Variants in NCAM2 observed in about 807,000 individuals in gnomAD.
The protein encoded by NCAM2 is neural cell adhesion molecule 2.
Under a neutral mutation model 98.1 loss-of-function variants are expected in NCAM2, and 30 were observed. The ratio of observed to expected loss-of-function variants is 0.31; its 90% CI spans 0.23 to 0.41. The LOEUF is 0.41. NCAM2 is among the 10% of genes least tolerant of loss of function. The pLI is 1.00. For missense variants in NCAM2, 867 were observed against 1,005.8 expected (o/e 0.86, Z 1.87); for synonymous variants, 368 against 342.4 (o/e 1.07, Z -0.83).
At chr21:21,431,034 G>A (rs114799671) in intron 11 of NCAM2, among the ~76,000 whole-genome samples, 2,256 of 77,352 alleles carry the variant, frequency 0.029, 78 homozygotes, top group African/African-American at 0.11. Flanking sequence ...GCCAGAAAAC[G>A]AAACTCCGTC....
At chr21:21,041,519 G>A (rs181665807) in intron 1 of NCAM2, among the ~76,000 whole-genome samples, 12 of 152,236 alleles carry the variant, frequency 7.9e-5, no homozygotes, top group East Asian at 5.8e-4. Context: ...CCATTACCTC[G>A]TATAAGTGCT....
At chr21:21,057,343 A>G (rs2065232065) in intron 1 of NCAM2, among the ~76,000 whole-genome samples, 1 of 152,132 alleles carries the variant, frequency 6.6e-6, no homozygotes. Context: ...TGAATGGGTA[A>G]ACCAGTTATA....
At chr21:21,083,979 C>CA (rs1555882470) in intron 1 of NCAM2, among the ~76,000 whole-genome samples, 1 of 152,094 alleles carries the variant, frequency 6.6e-6, no homozygotes, top group Non-Finnish European at 1.5e-5. Context: ...CCTGCCATAA[C>CA]AAAAACACCA....
chr21:21,161,092 A>G (rs1322384455), intron 1 of NCAM2, among the ~76,000 whole-genome samples: 1 of 152,022 alleles, frequency 6.6e-6, no homozygotes, highest in Non-Finnish European at 1.5e-5. Flanking sequence ...CTCTGCTACA[A>G]AATGAAGGAA....
intron 1 of NCAM2, among the ~76,000 whole-genome samples, chr21:21,008,893 T>G (rs1008759796): frequency 6.6e-6 from 1 of 152,176 alleles, no homozygotes; most frequent in African/African-American, 2.4e-5. Flanking sequence ...ACCAGTTCAT[T>G]CAACAAATAT....
chr21:21,307,502 C>G (rs1296791978), intron 5 of NCAM2, among the ~76,000 whole-genome samples: 1 of 152,138 alleles, frequency 6.6e-6, no homozygotes, highest in Non-Finnish European at 1.5e-5. Context: ...CACATAGGCT[C>G]TGCTGGGATC....
At position 21,382,286 on chromosome 21, in the gene NCAM2, G is replaced by T. The variant is rs232421; in HGVS notation, c.1195+8273G>T. The stretch of plus-strand genomic sequence containing the variant: ...TGGCCACTATTTCTGCAATTTTTTT[G>T]TGTGTGTAATCTCTTACTAATCTCT... On this transcript the variant is annotated intron_variant, in intron 9 of 17. Coordinates refer to ENST00000400546, the MANE Select transcript of NCAM2 (RefSeq NM_004540.5). 9.1e-3 allele frequency among the ~76,000 whole-genome samples: 1,384 copies of T among 152,078 alleles called. 21 individuals carry two copies. The highest frequency in any genetic ancestry group is 0.029 in the African/African-American group (1,183 of 41,506).
chr21:21,259,277 A>G (rs373232262), intron 1 of NCAM2, among the ~76,000 whole-genome samples: 44 of 152,288 alleles, frequency 2.9e-4, no homozygotes, highest in East Asian at 5.8e-4. Context: ...TGCTGAGCCC[A>G]TTTTGGTGGT....
In NCAM2 at chr21:21,395,912, A is replaced by G. The variant is rs187186210; in HGVS notation, c.1196-14362A>G. Among the ~76,000 whole-genome samples, 58 of 152,348 alleles carry G rather than the reference A, an allele frequency of 3.8e-4. 1 individual carries two copies. The East Asian group carries it at 0.011, about 29-fold the overall frequency. ...TAAGTCCTGAAACCATAAAAATCCT[A>G]GAAGATAACATGGGAAAAATCCTCT... On this transcript the variant is annotated intron_variant, in intron 9 of 17. Transcript: ENST00000400546.
rs140526131 is a variant in NCAM2, at chr21:21,066,050, T to A, written c.55+67432T>A. Among the ~76,000 whole-genome samples the A allele has an allele frequency of 4.4e-3, 663 of 152,264 alleles. 1 individual carries two copies. The highest frequency in any genetic ancestry group is 0.016 in the African/African-American group (645 of 41,566). The stretch of plus-strand genomic sequence containing the variant: ...GGAGTGTCCTTGTTAAGTGCCCCTA[T>A]GATCAGTGAATGAATTTCAAATTGG... On this transcript the variant is annotated intron_variant, in intron 1 of 17. Coordinates refer to ENST00000400546, the MANE Select transcript of NCAM2 (RefSeq NM_004540.5).
intron 1 of NCAM2, among the ~76,000 whole-genome samples, chr21:21,225,626 TTTTA>T (rs2070352233): frequency 6.6e-6 from 1 of 151,916 alleles, no homozygotes; most frequent in Admixed American, 6.6e-5. Flanking sequence ...AACCTGTTTA[TTTTA>T]TTTAAATTTT....
At chr21:21,038,144 TAACTTACC>T (rs2064834813) in intron 1 of NCAM2, among the ~76,000 whole-genome samples, 1 of 151,960 alleles carries the variant, frequency 6.6e-6, no homozygotes, top group African/African-American at 2.4e-5. Context: ...CTGCTACTGT[TAACTTACC>T]AATTAGCATG....
At chr21:21,438,397 C>G (rs558203042) in intron 12 of NCAM2, among the ~76,000 whole-genome samples, 1 of 151,986 alleles carries the variant, frequency 6.6e-6, no homozygotes, top group Non-Finnish European at 1.5e-5. Flanking sequence ...GCACCTGGTC[C>G]TAGGTTTAAG....
At chr21:21,376,878 G>A (rs2076044047) in intron 9 of NCAM2, among the ~76,000 whole-genome samples, 2 of 151,650 alleles carry the variant, frequency 1.3e-5, no homozygotes, top group Non-Finnish European at 3.0e-5. Context: ...TTTTCTAAAA[G>A]GATGTTTTGA....
chr21:21,523,263 C>G (rs147000467), intron 16 of NCAM2, among the ~76,000 whole-genome samples: 1 of 151,912 alleles, frequency 6.6e-6, no homozygotes, highest in African/African-American at 2.4e-5. Context: ...AAATCTTTGC[C>G]CAGACCAATG....
At chr21:21,024,435 A>C (rs2064499812) in intron 1 of NCAM2, among the ~76,000 whole-genome samples, 1 of 152,246 alleles carries the variant, frequency 6.6e-6, no homozygotes, top group Admixed American at 6.5e-5. Flanking sequence ...AAACATGCAA[A>C]CTATTTTAAT....
chr21:21,322,451 A>G (rs764113294), intron 5 of NCAM2, among the ~76,000 whole-genome samples: 8 of 152,146 alleles, frequency 5.3e-5, no homozygotes, highest in Non-Finnish European at 1.0e-4. Context: ...CCTGAATCCA[A>G]AAAAAGAAAA....
chr21:21,490,096 A>G (rs899487557), intron 15 of NCAM2, among the ~76,000 whole-genome samples: 1 of 152,028 alleles, frequency 6.6e-6, no homozygotes, highest in African/African-American at 2.4e-5. Context: ...CTCAACAAAG[A>G]TCTCTTGTAA....
At chr21:21,142,368 T>C (rs2067185068) in intron 1 of NCAM2, among the ~76,000 whole-genome samples, 1 of 93,482 alleles carries the variant, frequency 1.1e-5, no homozygotes, top group Non-Finnish European at 2.1e-5. Flanking sequence ...TTTGACCGTT[T>C]TTTTTTATGT....
Sources: allele counts gnomAD v4.1 joint callset (sites outside exome capture counted in the v4.1 genomes callset), GRCh38; gene constraint gnomAD v4.1.1; transcripts MANE v1.5; gene names NCBI Gene and HGNC (gene_info 2026-07-23, HGNC 2026-07-21).